The following UTP20 variants were observed in gnomAD, a reference collection of about 807,000 sequenced individuals.
The protein encoded by UTP20 is UTP20 small subunit processome component.
Under a neutral mutation model 329.5 loss-of-function variants are expected in UTP20, and 164 were observed. That is an observed-to-expected ratio of 0.50 (90% CI 0.44 to 0.57). UTP20 has a LOEUF of 0.57. Ranked by LOEUF, UTP20 falls within the 20% of genes least tolerant of loss-of-function variation. The pLI, the probability that UTP20 is intolerant of heterozygous loss-of-function variation, is 0.00. For missense variants in UTP20, 3,055 were observed against 3,284.2 expected (o/e 0.93, Z 1.71); for synonymous variants, 1,151 against 1,159.3 (o/e 0.99, Z 0.14).
chr12:101,328,454 G>A (rs1342609138), intron 26 of UTP20, among the ~76,000 whole-genome samples: 1 of 152,192 alleles, frequency 6.6e-6, no homozygotes, highest in African/African-American at 2.4e-5. Context: ...GGATTTACAA[G>A]AGAAATAAAA....
intron 25 of UTP20, among the ~76,000 whole-genome samples, chr12:101,324,967 G>A (rs1188480796): frequency 6.6e-6 from 1 of 151,898 alleles, no homozygotes. Context: ...AAAAGCTATT[G>A]ATTTTTGTGT....
intron 35 of UTP20, 38 bp from the exon 36 acceptor site, chr12:101,344,557 A>C: frequency 1.2e-6 from 1 of 869,214 alleles, no homozygotes; most frequent in Middle Eastern, 2.2e-4. Context: ...TGTAGTTATT[A>C]CAGAGAATAA....
In UTP20 at chr12:101,347,590, A is replaced by G. The variant is rs369341528; in HGVS notation, c.4884+1002A>G. Among the ~76,000 whole-genome samples the G allele has an allele frequency of 3.3e-5, 5 of 152,312 alleles. No homozygotes were observed. The East Asian group carries it at 5.8e-4, about 18-fold the overall frequency. ...ATTCAAATCTAACTGCAGTAATGTC[A>G]GGATTTGTGACTTAAATTTATACTG... is the stretch of plus-strand genomic sequence containing the variant. On this transcript the variant is annotated intron_variant, in intron 38 of 61. Transcript: ENST00000261637.
intron 21 of UTP20, among the ~76,000 whole-genome samples, chr12:101,313,456 T>C (rs369711817): frequency 1.3e-5 from 2 of 152,172 alleles, no homozygotes; most frequent in East Asian, 3.9e-4. Flanking sequence ...AGCAGAAGGC[T>C]GACCTGACCT....
At chr12:101,312,933 G>T (rs1370823004) in intron 21 of UTP20, among the ~76,000 whole-genome samples, 1 of 152,206 alleles carries the variant, frequency 6.6e-6, no homozygotes, top group African/African-American at 2.4e-5. Context: ...CACTGAGTTT[G>T]ATTCATGTAG....
rs35977909 is a variant in UTP20 at position 101,296,570 on chromosome 12, C to CAAA, written c.1430+923_1430+925dup. ...TGCACGACAGAGCGAGACTTCATCTCAAAAAAAAAAAAAGAAAAATACAAA... is the reference window on the plus strand; with the variant it reads ...TGCACGACAGAGCGAGACTTCATCTCAAAAAAAAAAAAAAAAGAAAAATACAAA... On this transcript the variant is annotated intron_variant, in intron 12 of 61. Transcript: ENST00000261637. Among the ~76,000 whole-genome samples the CAAA allele has an allele frequency of 7.0e-3, 800 of 114,590 alleles. 13 individuals carry two copies. Among genetic ancestry groups the CAAA allele is most frequent in the Non-Finnish European group, 0.011 (613 of 57,158 alleles). 75.2% of individuals were successfully genotyped at this position (114,590 alleles called of 152,430 possible).
intron 31 of UTP20, 110 bp downstream of exon 31, chr12:101,339,067 C>A: frequency 2.6e-6 from 3 of 1,151,500 alleles, no homozygotes; most frequent in Non-Finnish European, 3.5e-6. Flanking sequence ...AATCCCAGCA[C>A]TTTGGGAGGC....
intron 5 of UTP20, among the ~76,000 whole-genome samples, chr12:101,287,418 G>A (rs576537160): frequency 2.0e-5 from 3 of 152,326 alleles, no homozygotes; most frequent in Admixed American, 6.5e-5. Context: ...TGTCATAAAA[G>A]CTGCCACTTT....
At chr12:101,363,540 T>G (rs894605102) in intron 44 of UTP20, 36 bp from the exon 45 acceptor site, 4 of 1,591,254 alleles carry the variant, frequency 2.5e-6, no homozygotes, top group Non-Finnish European at 3.4e-6. Context: ...TCTTGCTGAG[T>G]GCATATAATT....
intron 29 of UTP20, among the ~76,000 whole-genome samples, chr12:101,336,667 C>A (rs1868943444): frequency 1.3e-5 from 2 of 152,294 alleles, no homozygotes; most frequent in African/African-American, 2.4e-5. Flanking sequence ...TCACATACTG[C>A]CTTTGTTGTA....
At chr12:101,305,201 TC>T (rs1156984152) in intron 15 of UTP20, among the ~76,000 whole-genome samples, 1 of 151,994 alleles carries the variant, frequency 6.6e-6, no homozygotes, top group African/African-American at 2.4e-5. Context: ...GGAGCCTTTC[TC>T]CATGACGCTC....
chr12:101,337,071 C>T (rs1389647115), intron 29 of UTP20, among the ~76,000 whole-genome samples: 1 of 152,242 alleles, frequency 6.6e-6, no homozygotes, highest in Non-Finnish European at 1.5e-5. Flanking sequence ...CCTAGCACCA[C>T]TGTGCGTTCT....
At position 101,340,570 on chromosome 12, in the gene UTP20, C is replaced by T. The variant is rs767420759; in HGVS notation, c.4061C>T (p.Thr1354Met). The T allele has an allele frequency of 6.2e-6, 10 of 1,611,496 alleles. No homozygotes were observed. The highest frequency in any genetic ancestry group is 5.5e-5 in the South Asian group (5 of 90,460). The change falls in exon 32 of 62, where the codon ACG (threonine) becomes ATG (methionine). Residue 1354 changes from threonine (T) to methionine (M), a missense_variant. Around this residue, in one of 3 missense-constraint regions of UTP20, gnomAD observed 2,445 missense variants for 2,575.5 expected, o/e 0.95. Coordinates refer to ENST00000261637, the MANE Select transcript of UTP20 (RefSeq NM_014503.3). ...KDKEQSSVLITLLLPFLHRGN... is the reference protein window; with the variant it reads ...KDKEQSSVLIMLLLPFLHRGN... ...AAAGAACAAAGTTCTGTACTCATTACGCTTCTCCTTCCATTCCTCCACCGT... is the reference window on the plus strand; with the variant it reads ...AAAGAACAAAGTTCTGTACTCATTATGCTTCTCCTTCCATTCCTCCACCGT...
chr12:101,295,493 G>C lies in UTP20; in HGVS notation c.1265G>C (p.Ser422Thr), dbSNP rs1872318076. The change falls in exon 12 of 62, where the codon AGC (serine) becomes ACC (threonine). Residue 422 changes from serine (S) to threonine (T), a missense_variant. Physicochemically the swap from Ser to Thr is moderately conservative, Grantham distance 58. This residue lies in a region of UTP20 where 2,445 missense variants were observed against 2,575.5 expected (regional missense o/e 0.95). Coordinates refer to ENST00000261637, the MANE Select transcript of UTP20 (RefSeq NM_014503.3). ...MKQFEQLFLP[S>T]FLSYIVNCFL... ...TCTTAACTTTAGCTTTTTCTACCAA[G>C]CTTTCTGTCATATATTGTGAATTGC... 1 of 1,582,030 alleles carries C rather than the reference G, an allele frequency of 6.3e-7. No homozygotes were observed. The highest frequency in any genetic ancestry group is 1.3e-5 in the African/African-American group (1 of 74,074).
At chr12:101,339,050 C>T (rs1869034128) in intron 31 of UTP20, 93 bp downstream of exon 31, 6 of 1,317,278 alleles carry the variant, frequency 4.6e-6, no homozygotes, top group South Asian at 1.6e-5. Context: ...TGGTGGCTCA[C>T]ACCTGTAATC....
chr12:101,339,626 A>G (rs1481931932), intron 31 of UTP20, among the ~76,000 whole-genome samples: 2 of 152,200 alleles, frequency 1.3e-5, no homozygotes, highest in Non-Finnish European at 2.9e-5. Flanking sequence ...TAATGATAAA[A>G]ATAATTAACT....
chr12:101,321,406 C>G, intron 24 of UTP20, 98 bp from the exon 25 acceptor site: 2 of 1,516,864 alleles, frequency 1.3e-6, no homozygotes, highest in Non-Finnish European at 1.8e-6. Context: ...TACTATATAC[C>G]TTATTTTAGT....
chr12:101,328,404 G>A (rs547626061), intron 26 of UTP20, among the ~76,000 whole-genome samples: 1 of 152,266 alleles, frequency 6.6e-6, no homozygotes, highest in South Asian at 2.1e-4. Flanking sequence ...TAATATGGCA[G>A]CAGCTGTTTA....
intron 8 of UTP20, 58 bp downstream of exon 8, chr12:101,290,946 C>T: frequency 6.5e-7 from 1 of 1,546,508 alleles, no homozygotes; most frequent in Non-Finnish European, 8.7e-7. Flanking sequence ...TTTACTGTTT[C>T]TGCTCTCAGT....
Sources: gnomAD v4.1 joint callset for allele counts (sites outside exome capture counted in the v4.1 genomes callset) on GRCh38, gnomAD v4.1.1 for gene constraint, gnomAD v4.1.1 regional missense constraint, MANE v1.5 for transcripts, NCBI Gene and HGNC (gene_info 2026-07-23, HGNC 2026-07-21) for gene names.